Variants in DTNA observed in about 807,000 individuals in gnomAD.
DTNA encodes the protein dystrophin-related protein 3.
In DTNA, 43 loss-of-function variants were observed where a neutral mutation model predicts 100.7. The observed-to-expected ratio is 0.43, with a 90% confidence interval of 0.33 to 0.55. The LOEUF is 0.55. DTNA is among the 20% of genes least tolerant of loss of function. DTNA has a pLI of 0.04. For synonymous variants in DTNA, 349 were observed against 347.9 expected, an observed-to-expected ratio of 1.00 and a Z score of -0.04; for missense variants, 798 against 953.9, an observed-to-expected ratio of 0.84 and a Z score of 2.15.
chr18:34,496,628 C>A (rs1483048430), intron 1 of DTNA, among the ~76,000 whole-genome samples: 1 of 152,132 alleles, frequency 6.6e-6, no homozygotes, highest in African/African-American at 2.4e-5. Context: ...CAATAGTGAG[C>A]AGAAAGATCT....
At chr18:34,607,376 T>A (rs2053345495) in intron 1 of DTNA, among the ~76,000 whole-genome samples, 1 of 152,188 alleles carries the variant, frequency 6.6e-6, no homozygotes, top group Admixed American at 6.5e-5. Flanking sequence ...AATATTGCAA[T>A]AGTCTGCTCA....
chr18:34,778,599 C>G (rs1203359444), intron 3 of DTNA, among the ~76,000 whole-genome samples: 1 of 151,910 alleles, frequency 6.6e-6, no homozygotes, highest in Admixed American at 6.6e-5. Flanking sequence ...TTTTAATATC[C>G]TGGAAATATT....
chr18:34,755,068 G>A (rs960944263), intron 1 of DTNA, among the ~76,000 whole-genome samples: 1 of 152,206 alleles, frequency 6.6e-6, no homozygotes, highest in African/African-American at 2.4e-5. Context: ...GCAGAAGTCA[G>A]TGTGGTAGAC....
intron 7 of DTNA, 86 bp from the exon 8 acceptor site, chr18:34,818,078 G>A: frequency 6.2e-7 from 1 of 1,609,748 alleles, no homozygotes; most frequent in Non-Finnish European, 8.5e-7. Context: ...AGAGAAGAAA[G>A]GTGCAATTCC....
chr18:34,720,044 T>C (rs1184455149), intron 1 of DTNA, among the ~76,000 whole-genome samples: 2 of 152,168 alleles, frequency 1.3e-5, no homozygotes, highest in Non-Finnish European at 1.5e-5. Flanking sequence ...TTAAATGCGC[T>C]AATATTTTTA....
chr18:34,621,193 A>G (rs994724163), intron 1 of DTNA, among the ~76,000 whole-genome samples: 7 of 148,458 alleles, frequency 4.7e-5, no homozygotes, highest in South Asian at 4.2e-4. Context: ...TAATATGTGT[A>G]TATGTAATAT....
intron 1 of DTNA, among the ~76,000 whole-genome samples, chr18:34,632,726 T>C (rs893620037): frequency 6.6e-6 from 1 of 152,212 alleles, no homozygotes; most frequent in African/African-American, 2.4e-5. Flanking sequence ...ACAGAAATCT[T>C]AATTTTAATT....
chr18:34,657,268 A>G (rs1215995687), intron 1 of DTNA, among the ~76,000 whole-genome samples: 1 of 152,244 alleles, frequency 6.6e-6, no homozygotes, highest in East Asian at 1.9e-4. Context: ...TTCTAAAAAT[A>G]CTGAAAGCCT....
intron 1 of DTNA, among the ~76,000 whole-genome samples, chr18:34,547,145 TATA>T (rs1162746277): frequency 1.3e-5 from 2 of 152,182 alleles, no homozygotes; most frequent in African/African-American, 4.8e-5. Context: ...TGGAAATTTG[TATA>T]ATAATTTTTT....
chr18:34,847,205 AAC>A lies in DTNA; in HGVS notation c.1347-1090_1347-1089del, dbSNP rs568513362. On this transcript the variant is annotated intron_variant, in intron 13 of 22. Coordinates refer to ENST00000444659, the MANE Select transcript of DTNA (RefSeq NM_001386795.1). ...TTTTCTGAAATATGGAAGAATTAGT[AAC>A]GCTTCTATTTGCATTAGTTTTTAGG... is the stretch of plus-strand genomic sequence containing the variant. Among the ~76,000 whole-genome samples the A allele has an allele frequency of 7.9e-5, 12 of 152,324 alleles. No homozygotes were observed. The South Asian group carries it at 2.1e-3, about 26-fold the overall frequency.
At position 34,666,965 on chromosome 18, in the gene DTNA, C is replaced by A. The variant is rs578029455; in HGVS notation, c.-1-89011C>A. Among the ~76,000 whole-genome samples, 286 of 152,214 alleles carry A rather than the reference C, an allele frequency of 1.9e-3. 2 individuals carry two copies. The highest frequency in any genetic ancestry group is 6.6e-3 in the African/African-American group (275 of 41,522). The stretch of plus-strand genomic sequence containing the variant: ...TTTTTTCCAATTCTGTGAAGAAAGT[C>A]ATTGGTAGCTTGATGGGGATGGCAT... On this transcript the variant is annotated intron_variant, in intron 1 of 19. Coordinates refer to the DTNA transcript ENST00000283365.
chr18:34,632,626 C>A (rs1415245363), intron 1 of DTNA, among the ~76,000 whole-genome samples: 1 of 152,108 alleles, frequency 6.6e-6, no homozygotes, highest in Non-Finnish European at 1.5e-5. Flanking sequence ...TAAAATATGC[C>A]AACTGTAGCT....
At chr18:34,662,533 A>G (rs984082741) in intron 1 of DTNA, among the ~76,000 whole-genome samples, 1 of 152,306 alleles carries the variant, frequency 6.6e-6, no homozygotes, top group African/African-American at 2.4e-5. Context: ...GTGAGGGACA[A>G]AAATCTCAGT....
At chr18:34,720,172 C>T (rs1568312901) in intron 1 of DTNA, among the ~76,000 whole-genome samples, 1 of 152,018 alleles carries the variant, frequency 6.6e-6, no homozygotes, top group Non-Finnish European at 1.5e-5. Context: ...AGCAGGTGGA[C>T]CCAGGCAGAA....
At chr18:34,730,407 T>C (rs1373916684) in intron 1 of DTNA, among the ~76,000 whole-genome samples, 1 of 152,224 alleles carries the variant, frequency 6.6e-6, no homozygotes. Flanking sequence ...GATGTGAGAA[T>C]GGCCAGCCTG....
intron 1 of DTNA, among the ~76,000 whole-genome samples, chr18:34,712,195 A>G (rs1038877520): frequency 2.0e-5 from 3 of 152,106 alleles, no homozygotes; most frequent in African/African-American, 7.2e-5. Flanking sequence ...GAAAAGATAT[A>G]CAAAAGGTAA....
chr18:34,873,664 G>T (rs2096787242), intron 17 of DTNA, among the ~76,000 whole-genome samples: 1 of 152,188 alleles, frequency 6.6e-6, no homozygotes, highest in Non-Finnish European at 1.5e-5. Flanking sequence ...ACTTCCCAGG[G>T]TCATGGAGAG....
intron 1 of DTNA, among the ~76,000 whole-genome samples, chr18:34,598,578 G>A (rs956746583): frequency 5.3e-5 from 8 of 152,106 alleles, no homozygotes; most frequent in Non-Finnish European, 1.2e-4. Context: ...AATTTTTAAG[G>A]CCTTGGCCAG....
At chr18:34,658,646 T>C (rs1432379199) in intron 1 of DTNA, among the ~76,000 whole-genome samples, 1 of 152,158 alleles carries the variant, frequency 6.6e-6, no homozygotes, top group Non-Finnish European at 1.5e-5. Flanking sequence ...AGCCACTGAA[T>C]GTGGCCTTTA....
Sources: gnomAD v4.1 joint callset for allele counts (sites outside exome capture counted in the v4.1 genomes callset) on GRCh38, gnomAD v4.1.1 for gene constraint, MANE v1.5 for transcripts, NCBI Gene and HGNC (gene_info 2026-07-23, HGNC 2026-07-21) for gene names.